The following FTO variants were observed in gnomAD, a reference collection of about 807,000 sequenced individuals.
The protein encoded by FTO is FTO alpha-ketoglutarate dependent dioxygenase.
Under a neutral mutation model 63.9 loss-of-function variants are expected in FTO, and 47 were observed. That is an observed-to-expected ratio of 0.74 (90% CI 0.58 to 0.94). FTO has a LOEUF of 0.94. FTO is among the 40% of genes least tolerant of loss of function. The probability of loss-of-function intolerance (pLI) is 0.00; values close to 1 mark genes in which losing one functional copy is unlikely to be tolerated. For missense variants in FTO, 562 were observed against 618.1 expected (o/e 0.91, Z 0.96); for synonymous variants, 207 against 224.4 (o/e 0.92, Z 0.69).
intron 2 of FTO, among the ~76,000 whole-genome samples, chr16:53,817,217 C>A (rs2078719403): frequency 6.6e-6 from 1 of 152,126 alleles, no homozygotes; most frequent in African/African-American, 2.4e-5. Context: ...GAACGAGGAT[C>A]TCTGTGTCAT....
chr16:53,927,513 G>A (rs2082174700), intron 7 of FTO, among the ~76,000 whole-genome samples: 1 of 152,184 alleles, frequency 6.6e-6, no homozygotes, highest in African/African-American at 2.4e-5. Flanking sequence ...CTTGAAGGTA[G>A]AAGCGTAGAG....
In FTO at chr16:54,037,841, G is replaced by A. The variant is rs77823728; in HGVS notation, c.1365-73921G>A. 1.1e-3 allele frequency among the ~76,000 whole-genome samples: 162 copies of A among 152,302 alleles called. 3 individuals carry two copies. In the East Asian group the frequency reaches 0.027, roughly 25 times the overall value. On this transcript the variant is annotated intron_variant, in intron 8 of 8. Coordinates refer to ENST00000471389, the MANE Select transcript of FTO (RefSeq NM_001080432.3). ...ATGTTAAAAAATATGTAAAAATTAC[G>A]TATGCATATATCAACTAGGCTTGTT...
chr16:54,090,312 A>G, intron 8 of FTO, among the ~76,000 whole-genome samples: 1 of 152,246 alleles, frequency 6.6e-6, no homozygotes, highest in East Asian at 1.9e-4. Flanking sequence ...TTTAACTTAC[A>G]TAGAATATCT....
At chr16:53,996,201 G>A (rs1311764811) in intron 8 of FTO, among the ~76,000 whole-genome samples, 5 of 152,280 alleles carry the variant, frequency 3.3e-5, no homozygotes, top group East Asian at 3.9e-4. Flanking sequence ...GAAGCACCCC[G>A]ATGGTTTCAT....
intron 8 of FTO, among the ~76,000 whole-genome samples, chr16:53,951,902 A>T (rs1468319521): frequency 6.6e-6 from 1 of 152,118 alleles, no homozygotes; most frequent in Non-Finnish European, 1.5e-5. Context: ...ATGATAGTGG[A>T]TCACATCATC....
At chr16:53,783,062 C>T (rs771173228) in intron 1 of FTO, among the ~76,000 whole-genome samples, 1 of 151,802 alleles carries the variant, frequency 6.6e-6, no homozygotes, top group Non-Finnish European at 1.5e-5. Context: ...TATTATGTAT[C>T]AGGCACTATA....
chr16:53,806,784 T>C (rs541015241), intron 1 of FTO, among the ~76,000 whole-genome samples: 104 of 152,312 alleles, frequency 6.8e-4, no homozygotes, highest in South Asian at 5.0e-3. Context: ...CATATATTCT[T>C]CTGAACATGG....
At chr16:53,884,062 G>C (rs1235868289) in intron 6 of FTO, among the ~76,000 whole-genome samples, 2 of 152,118 alleles carry the variant, frequency 1.3e-5, no homozygotes, top group African/African-American at 4.8e-5. Flanking sequence ...GAAGCCCTTG[G>C]TTTTACATAC....
At chr16:53,710,874 C>T (rs2075754989) in intron 1 of FTO, among the ~76,000 whole-genome samples, 1 of 151,238 alleles carries the variant, frequency 6.6e-6, no homozygotes, top group South Asian at 2.1e-4. Context: ...CCAGTTTTGC[C>T]CCTTAAGTTA....
At chr16:54,108,535 C>T (rs181689838) in intron 8 of FTO, among the ~76,000 whole-genome samples, 2 of 152,130 alleles carry the variant, frequency 1.3e-5, no homozygotes, top group East Asian at 3.9e-4. Context: ...TGTCTAGAGG[C>T]TACGCACCCA....
chr16:54,010,192 T>A (rs1217427916), intron 8 of FTO, among the ~76,000 whole-genome samples: 1 of 152,066 alleles, frequency 6.6e-6, no homozygotes, highest in Non-Finnish European at 1.5e-5. Context: ...GGCAGGAGGA[T>A]CACTGGAGGC....
chr16:54,085,371 G>A (rs2665273), intron 8 of FTO, among the ~76,000 whole-genome samples: 14,176 of 152,108 alleles, frequency 0.093, 2,090 homozygotes, highest in African/African-American at 0.31. Flanking sequence ...CTTCTGCATT[G>A]GGCCTGTAGG....
intron 4 of FTO, among the ~76,000 whole-genome samples, chr16:53,845,572 A>G (rs529528058): frequency 8.5e-5 from 13 of 152,356 alleles, no homozygotes; most frequent in Non-Finnish European, 1.8e-4. Flanking sequence ...AATTGAATTT[A>G]TTTTAAAAGG....
intron 7 of FTO, among the ~76,000 whole-genome samples, chr16:53,905,483 T>C (rs545054805): frequency 6.6e-6 from 1 of 152,310 alleles, no homozygotes; most frequent in Admixed American, 6.5e-5. Flanking sequence ...ACTTCTTTTA[T>C]TCCTCCCGCC....
chr16:54,059,217 A>G (rs2085513100), intron 8 of FTO, among the ~76,000 whole-genome samples: 1 of 152,240 alleles, frequency 6.6e-6, no homozygotes, highest in Admixed American at 6.5e-5. Flanking sequence ...AATGATCAGA[A>G]TATTAGACTC....
intron 1 of FTO, among the ~76,000 whole-genome samples, chr16:53,732,962 C>A (rs1045419290): frequency 1.3e-5 from 2 of 152,208 alleles, no homozygotes; most frequent in Non-Finnish European, 2.9e-5. Flanking sequence ...CCACGAAGGG[C>A]CTTAAATCCC....
chr16:54,081,508 T>C (rs1217188010), intron 8 of FTO, among the ~76,000 whole-genome samples: 1 of 152,216 alleles, frequency 6.6e-6, no homozygotes, highest in Non-Finnish European at 1.5e-5. Flanking sequence ...CTTCCACTTA[T>C]GCACAGTGTA....
chr16:53,933,833 G>T, intron 7 of FTO, 152 bp from the exon 8 acceptor site: 1 of 707,586 alleles, frequency 1.4e-6, no homozygotes. Context: ...AATATATGCC[G>T]GCCATTTTTG....
intron 8 of FTO, among the ~76,000 whole-genome samples, chr16:54,106,206 T>G (rs1196166045): frequency 6.6e-6 from 1 of 152,068 alleles, no homozygotes; most frequent in African/African-American, 2.4e-5. Context: ...TAAATGTAAG[T>G]GCAGCCCTGG....
Sources: allele counts gnomAD v4.1 joint callset (sites outside exome capture counted in the v4.1 genomes callset), GRCh38; gene constraint gnomAD v4.1.1; transcripts MANE v1.5; gene names NCBI Gene and HGNC (gene_info 2026-07-23, HGNC 2026-07-21).